DCLK1: variants seen among roughly 807,000 people sequenced by gnomAD.
The protein encoded by DCLK1 is doublecortin like kinase 1.
In DCLK1, 16 loss-of-function variants were observed where a neutral mutation model predicts 86.2. The ratio of observed to expected loss-of-function variants is 0.19; its 90% CI spans 0.13 to 0.28. The LOEUF is 0.28. Among genes scored for constraint, DCLK1 ranks in the 10% least tolerant of loss-of-function variants. The pLI is 1.00. For missense variants in DCLK1, 590 were observed against 940.2 expected (o/e 0.63, Z 4.87); for synonymous variants, 369 against 370.5 (o/e 1.00, Z 0.05).
Position 35,822,852 on chromosome 13 carries a change from A to G in DCLK1, c.1431T>C (p.Ile477=). 1.2e-6 allele frequency: 2 copies of G among 1,613,882 alleles called. No homozygotes were observed. Among genetic ancestry groups the G allele is most frequent in the African/African-American group, 2.7e-5 (2 of 74,938 alleles). The change falls in exon 11 of 17, where the codon ATT becomes ATC. Residue 477 remains isoleucine (I), a synonymous_variant. Transcript: ENST00000360631. The part of the protein sequence containing the change: ...LVKGGDLFDA[I]TSTNKYTERD... ...TCTCGGTGTATTTGTTAGTGGAAGT[A>G]ATGGCATCAAAAAGGTCTCCCCCCT... is the stretch of plus-strand genomic sequence containing the variant.
chr13:35,871,756 G>A (rs1184293502), intron 4 of DCLK1, among the ~76,000 whole-genome samples: 2 of 152,164 alleles, frequency 1.3e-5, no homozygotes, highest in African/African-American at 2.4e-5. Context: ...ATGTGGTGGT[G>A]GAAGATTCCG....
chr13:35,788,803 A>C (rs1292946455), intron 16 of DCLK1, among the ~76,000 whole-genome samples: 1 of 152,220 alleles, frequency 6.6e-6, no homozygotes, highest in Non-Finnish European at 1.5e-5. Context: ...AGCTACTCTT[A>C]AAGGTGAATC....
At chr13:36,075,741 G>C (rs898901011) in intron 3 of DCLK1, among the ~76,000 whole-genome samples, 1 of 152,172 alleles carries the variant, frequency 6.6e-6, no homozygotes, top group Non-Finnish European at 1.5e-5. Context: ...TGTTGACCGG[G>C]CATGGTGGCT....
At chr13:35,936,962 C>CTTTGTTTTTTTTTTTTTTTTTT (rs1876786994) in intron 4 of DCLK1, among the ~76,000 whole-genome samples, 1 of 65,712 alleles carries the variant, frequency 1.5e-5, no homozygotes, top group Non-Finnish European at 3.0e-5. Flanking sequence ...GAAAAGTTAG[C>CTTTGTTTTTTTTTTTTTTTTTT]TTTTTTTTTT....
intron 3 of DCLK1, among the ~76,000 whole-genome samples, chr13:35,984,880 G>A (rs570022688): frequency 1.3e-4 from 19 of 146,846 alleles, no homozygotes; most frequent in Admixed American, 6.8e-4. Context: ...GCAACCCTGT[G>A]CCCCCAGCGT....
chr13:36,062,013 C>T (rs2148341), intron 3 of DCLK1, among the ~76,000 whole-genome samples: 97,481 of 151,996 alleles, frequency 0.64, 31,832 homozygotes, highest in East Asian at 0.99. Flanking sequence ...TTGGAGTGCT[C>T]GTCAGGTACA....
intron 7 of DCLK1, among the ~76,000 whole-genome samples, chr13:35,836,721 A>T (rs1317961532): frequency 6.6e-6 from 1 of 152,226 alleles, no homozygotes; most frequent in Admixed American, 6.5e-5. Flanking sequence ...TCTGCATAGC[A>T]GATGTTGAGT....
Position 36,107,651 on chromosome 13 carries a change from C to T in DCLK1, c.723+4218G>A, listed in dbSNP as rs546340701. On this transcript the variant is annotated intron_variant, in intron 3 of 16. Coordinates refer to ENST00000360631, the MANE Select transcript of DCLK1 (RefSeq NM_001330071.2). ...AGGGGATCATTGGGAAGTGCCCTAT[C>T]TATGTTCTTTATAGTATAAATCACC... Among the ~76,000 whole-genome samples the T allele has an allele frequency of 4.6e-5, 7 of 151,866 alleles. No homozygotes were observed. The East Asian group carries it at 5.8e-4, about 13-fold the overall frequency.
chr13:36,020,095 G>C (rs1219430679), intron 3 of DCLK1, among the ~76,000 whole-genome samples: 1 of 152,102 alleles, frequency 6.6e-6, no homozygotes, highest in Admixed American at 6.6e-5. Flanking sequence ...ATACATGGCT[G>C]TCCTCTGCCT....
intron 6 of DCLK1, chr13:35,847,106 G>A (rs181803221): frequency 7.2e-6 from 7 of 974,856 alleles, no homozygotes; most frequent in Non-Finnish European, 8.5e-6. Flanking sequence ...CATAGTATTC[G>A]ATCTTGTTAA....
At chr13:35,801,073 A>T (rs1429594950) in intron 15 of DCLK1, among the ~76,000 whole-genome samples, 1 of 152,132 alleles carries the variant, frequency 6.6e-6, no homozygotes, top group African/African-American at 2.4e-5. Flanking sequence ...GTCATGGTAT[A>T]AGCAATAGAG....
Position 35,854,560 on chromosome 13 carries a change from G to A in DCLK1, c.974C>T (p.Pro325Leu), listed in dbSNP as rs1349581346. The A allele has an allele frequency of 6.2e-7, 1 of 1,604,670 alleles. No individual in the cohort carries two copies. Among genetic ancestry groups the A allele is most frequent in the Non-Finnish European group, 8.5e-7 (1 of 1,174,640 alleles). ...TGGGCTTGGCGACTTGCCTGAGCGC[G>A]GAGTAGAGAGCTGACTACCAGGGGT... ...NGTPGSQLST[P>L]RSGKSPSPSP... Residue 325 changes from proline to leucine, a missense_variant, in exon 6 of 17, where the codon CCG becomes CTG. Pro to Leu is a moderately conservative substitution (Grantham distance 98, BLOSUM62 -3). Around this residue, in one of 6 missense-constraint regions of DCLK1, gnomAD observed 63 missense variants for 64.3 expected, o/e 0.98. Coordinates refer to ENST00000360631, the MANE Select transcript of DCLK1 (RefSeq NM_001330071.2).
chr13:35,823,277 A>T, intron 10 of DCLK1, among the ~76,000 whole-genome samples: 1 of 151,534 alleles, frequency 6.6e-6, no homozygotes, highest in East Asian at 1.9e-4. Context: ...GTAATCCTTC[A>T]CCTCCTCCAG....
chr13:35,806,809 GC>G (rs1456667585), intron 14 of DCLK1, among the ~76,000 whole-genome samples: 1 of 152,148 alleles, frequency 6.6e-6, no homozygotes, highest in Non-Finnish European at 1.5e-5. Flanking sequence ...TTCCTGAAGA[GC>G]CCCCGGCCCT....
intron 5 of DCLK1, among the ~76,000 whole-genome samples, chr13:35,868,458 C>T (rs545860503): frequency 6.6e-6 from 1 of 152,266 alleles, no homozygotes; most frequent in East Asian, 1.9e-4. Context: ...TTATTAGATG[C>T]ATCTGCCCCA....
At chr13:36,099,782 T>G (rs1885136037) in intron 3 of DCLK1, among the ~76,000 whole-genome samples, 1 of 152,196 alleles carries the variant, frequency 6.6e-6, no homozygotes, top group Non-Finnish European at 1.5e-5. Context: ...CCTAACAGGC[T>G]TTGTAACAGG....
chr13:36,075,665 G>A (rs938899898), intron 3 of DCLK1, among the ~76,000 whole-genome samples: 1 of 152,206 alleles, frequency 6.6e-6, no homozygotes, highest in Admixed American at 6.5e-5. Flanking sequence ...TGCATGAAAT[G>A]AAGAAGAGTT....
chr13:35,967,044 C>T (rs547197264), intron 3 of DCLK1, among the ~76,000 whole-genome samples: 19 of 151,938 alleles, frequency 1.3e-4, no homozygotes, highest in East Asian at 5.9e-4. Context: ...GCCGTCATCC[C>T]GTCTAGGAAG....
chr13:35,822,473 C>T (rs569099633), intron 11 of DCLK1, among the ~76,000 whole-genome samples: 2 of 152,196 alleles, frequency 1.3e-5, no homozygotes, highest in East Asian at 3.9e-4. Context: ...GTGTTCAATA[C>T]AGCCCTACCC....
Sources: gnomAD v4.1 joint callset for allele counts (sites outside exome capture counted in the v4.1 genomes callset) on GRCh38, gnomAD v4.1.1 for gene constraint, gnomAD v4.1.1 regional missense constraint, MANE v1.5 for transcripts, NCBI Gene and HGNC (gene_info 2026-07-23, HGNC 2026-07-21) for gene names.